The following DLGAP5 variants were observed in gnomAD, a reference collection of about 807,000 sequenced individuals.
DLGAP5 encodes the protein DLG associated protein 5.
Under a neutral mutation model 99.6 loss-of-function variants are expected in DLGAP5, and 90 were observed. The ratio of observed to expected loss-of-function variants is 0.90; its 90% CI spans 0.76 to 1.08. The LOEUF (loss-of-function observed/expected upper bound fraction) is 1.08. Among genes scored for constraint, DLGAP5 ranks in the 50% least tolerant of loss-of-function variants. The pLI, the probability that DLGAP5 is intolerant of heterozygous loss-of-function variation, is 0.00. For synonymous variants in DLGAP5, 311 were observed against 321.3 expected (o/e 0.97, Z 0.34); for missense variants, 1,036 against 983.5 (o/e 1.05, Z -0.71).
At chr14:55,174,181 T>G (rs1882973854) in intron 10 of DLGAP5, among the ~76,000 whole-genome samples, 1 of 152,190 alleles carries the variant, frequency 6.6e-6, no homozygotes, top group South Asian at 2.1e-4. Flanking sequence ...CCCCTGGGCG[T>G]GGCCGTCTCT....
intron 11 of DLGAP5, among the ~76,000 whole-genome samples, chr14:55,170,005 G>A (rs1882799479): frequency 6.6e-6 from 1 of 152,078 alleles, no homozygotes; most frequent in African/African-American, 2.4e-5. Context: ...CCTGGTGGCA[G>A]GCACCTATAA....
chr14:55,187,889 T>C (rs1883483945), intron 2 of DLGAP5, among the ~76,000 whole-genome samples: 1 of 152,208 alleles, frequency 6.6e-6, no homozygotes, highest in Non-Finnish European at 1.5e-5. Context: ...GTCCTTAGGA[T>C]TCTATGTAAT....
chr14:55,165,510 C>T (rs551880864), intron 12 of DLGAP5, among the ~76,000 whole-genome samples: 17 of 151,248 alleles, frequency 1.1e-4, no homozygotes, highest in South Asian at 8.3e-4. Flanking sequence ...GTTGACAGAG[C>T]GAGACCCTGA....
At chr14:55,160,220 C>A (rs1162961737) in intron 13 of DLGAP5, among the ~76,000 whole-genome samples, 1 of 149,942 alleles carries the variant, frequency 6.7e-6, no homozygotes, top group Non-Finnish European at 1.5e-5. Context: ...AAATAAAATA[C>A]AAAAATAAAA....
At chr14:55,170,966 G>C (rs1356424601) in intron 10 of DLGAP5, among the ~76,000 whole-genome samples, 179 bp from the exon 11 acceptor site, 1 of 152,176 alleles carries the variant, frequency 6.6e-6, no homozygotes, top group East Asian at 1.9e-4. Flanking sequence ...AATACAAGTT[G>C]ATACCCTTTG....
At chr14:55,159,952 C>T (rs1023054621) in intron 13 of DLGAP5, among the ~76,000 whole-genome samples, 1 of 152,184 alleles carries the variant, frequency 6.6e-6, no homozygotes, top group Non-Finnish European at 1.5e-5. Context: ...ACTGTAATCC[C>T]CGCACTTTGG....
intron 4 of DLGAP5, among the ~76,000 whole-genome samples, chr14:55,182,046 C>T (rs996312823): frequency 5.3e-5 from 8 of 152,240 alleles, no homozygotes; most frequent in East Asian, 1.9e-4. Flanking sequence ...TTTGAAGACC[C>T]GTAAGTTTAT....
chr14:55,161,251 T>C (rs1882419751), intron 13 of DLGAP5, among the ~76,000 whole-genome samples: 1 of 152,158 alleles, frequency 6.6e-6, no homozygotes, highest in Non-Finnish European at 1.5e-5. Context: ...ACTGATGATA[T>C]TAATATTTCC....
chr14:55,153,242 T>C (rs1882078669), intron 15 of DLGAP5, among the ~76,000 whole-genome samples: 1 of 152,148 alleles, frequency 6.6e-6, no homozygotes, highest in Admixed American at 6.5e-5. Context: ...GCTTGTATCT[T>C]ATTAGAAATA....
At chr14:55,175,503 T>C (rs1293993357) in intron 9 of DLGAP5, 31 bp from the exon 10 acceptor site, 2 of 1,157,860 alleles carry the variant, frequency 1.7e-6, no homozygotes, top group Non-Finnish European at 2.5e-6. Flanking sequence ...TACATATAAA[T>C]TTCAAAGCAA....
chr14:55,165,105 A>G (rs7148957), intron 12 of DLGAP5, among the ~76,000 whole-genome samples: 12,523 of 152,168 alleles, frequency 0.082, 1,379 homozygotes, highest in African/African-American at 0.25. Flanking sequence ...TCAATAATAA[A>G]GACAATGAAA....
chr14:55,150,915 A>C (rs1015605858), intron 17 of DLGAP5, 67 bp from the exon 18 acceptor site: 3 of 1,053,138 alleles, frequency 2.8e-6, no homozygotes, highest in Admixed American at 3.0e-5. Flanking sequence ...AGAAATGGAC[A>C]AAGCCATGAA....
At chr14:55,159,318 A>G (rs1882330626) in intron 13 of DLGAP5, among the ~76,000 whole-genome samples, 1 of 152,202 alleles carries the variant, frequency 6.6e-6, no homozygotes, top group Non-Finnish European at 1.5e-5. Flanking sequence ...TAATGGTCTT[A>G]AGAAAGTCAC....
chr14:55,176,672 T>C (rs1258333698), intron 8 of DLGAP5, among the ~76,000 whole-genome samples: 1 of 152,112 alleles, frequency 6.6e-6, no homozygotes, highest in Non-Finnish European at 1.5e-5. Flanking sequence ...TTTAAGAGCA[T>C]AGACCAAATA....
rs568688731 is a variant in DLGAP5 at position 55,176,072 on chromosome 14, T to C, written c.1050-54A>G. 4.8e-4 allele frequency: 701 copies of C among 1,452,564 alleles called. 10 individuals carry two copies. In the South Asian group the frequency reaches 0.01, roughly 21 times the overall value. 90.0% of individuals were successfully genotyped at this position (1,452,564 alleles called of 1,614,324 possible). A position where few individuals can be genotyped will look rare whatever the true frequency, so the allele number is the denominator to read the frequency against. ...TGAAACATGAACTCCATATATCTAA[T>C]ATAAAGGGTTTCAAAATTGTGTCAC... On this transcript the variant is annotated intron_variant, in intron 8 of 18. Coordinates refer to ENST00000247191, the MANE Select transcript of DLGAP5 (RefSeq NM_014750.5).
At chr14:55,149,825 G>T (rs1334620798) in intron 18 of DLGAP5, among the ~76,000 whole-genome samples, 1 of 123,190 alleles carries the variant, frequency 8.1e-6, no homozygotes, top group African/African-American at 2.7e-5. Context: ...CGGGGGGGGG[G>T]CATCACCTGA....
intron 10 of DLGAP5, among the ~76,000 whole-genome samples, chr14:55,173,562 T>C (rs574948544): frequency 3.2e-4 from 49 of 151,448 alleles, no homozygotes; most frequent in Non-Finnish European, 5.1e-4. Flanking sequence ...TTGTATGATA[T>C]TGTCTCTCTC....
intron 14 of DLGAP5, among the ~76,000 whole-genome samples, chr14:55,155,603 C>T (rs1342182706): frequency 4.0e-5 from 6 of 150,546 alleles, no homozygotes; most frequent in East Asian, 4.0e-4. Context: ...CTGCCTCAGC[C>T]TCCCAAAGTA....
Position 55,182,431 on chromosome 14 carries a change from G to A in DLGAP5, c.434C>T (p.Ala145Val), listed in dbSNP as rs968286060. 2 of 1,609,260 alleles carry A rather than the reference G, an allele frequency of 1.2e-6. No individual in the cohort carries two copies. The highest frequency in any genetic ancestry group is 8.5e-7 in the Non-Finnish European group (1 of 1,178,326). ...TGTAATCCGTACAGAAGATGGAATA[G>A]CCTTAGAACAGTCAAAAGAAGATGA... ...QNAVKAEPKK[A>V]IPSSVRITRS... The change falls in exon 4 of 19, where the codon GCT becomes GTT. Residue 145 changes from alanine to valine, a missense_variant and splice_region_variant. Coordinates refer to ENST00000247191, the MANE Select transcript of DLGAP5 (RefSeq NM_014750.5).
Sources: gnomAD v4.1 joint callset for allele counts (sites outside exome capture counted in the v4.1 genomes callset) on GRCh38, gnomAD v4.1.1 for gene constraint, MANE v1.5 for transcripts, NCBI Gene and HGNC (gene_info 2026-07-23, HGNC 2026-07-21) for gene names.